EZH2: variants seen among roughly 807,000 people sequenced by gnomAD.
The protein encoded by EZH2 is enhancer of zeste 2 polycomb repressive complex 2 subunit.
EZH2 carries 18 observed loss-of-function variants against 98.4 expected under a neutral mutation model. The ratio of observed to expected loss-of-function variants is 0.18; its 90% CI spans 0.13 to 0.27. The LOEUF is 0.27. EZH2 is among the 10% of genes least tolerant of loss of function. The probability of loss-of-function intolerance (pLI) is 1.00; values close to 1 mark genes in which losing one functional copy is unlikely to be tolerated. For synonymous variants in EZH2, 338 were observed against 312.3 expected, an observed-to-expected ratio of 1.08 and a Z score of -0.87; for missense variants, 470 against 935.1, an observed-to-expected ratio of 0.50 and a Z score of 6.49.
chr7:148,873,909 A>G (rs1268599497), intron 1 of EZH2, among the ~76,000 whole-genome samples: 4 of 152,228 alleles, frequency 2.6e-5, no homozygotes, highest in Non-Finnish European at 5.9e-5. Context: ...TAAGCAGGAA[A>G]GAAGCTGCTT....
At chr7:148,815,673 G>A (rs1212244201) in intron 12 of EZH2, 127 bp from the exon 13 acceptor site, 1 of 808,924 alleles carries the variant, frequency 1.2e-6, no homozygotes, top group Non-Finnish European at 2.1e-6. Context: ...GTCATGCCCT[G>A]CCCAGTTTAT....
chr7:148,858,202 G>A (rs1817127648), intron 1 of EZH2, among the ~76,000 whole-genome samples: 1 of 151,830 alleles, frequency 6.6e-6, no homozygotes, highest in African/African-American at 2.4e-5. Context: ...TGAGGCAGGA[G>A]AATGGCGTGA....
At chr7:148,875,457 G>T (rs1190008006) in intron 1 of EZH2, among the ~76,000 whole-genome samples, 2 of 152,046 alleles carry the variant, frequency 1.3e-5, no homozygotes, top group Admixed American at 1.3e-4. Context: ...GGGACAAAAG[G>T]CTTGAACCAA....
intron 1 of EZH2, among the ~76,000 whole-genome samples, chr7:148,878,759 C>G (rs947009007): frequency 6.6e-6 from 1 of 151,780 alleles, no homozygotes; most frequent in African/African-American, 2.4e-5. Flanking sequence ...ATTAGCCAGG[C>G]GTGGTGGCAT....
chr7:148,872,926 T>G (rs1585297503), intron 1 of EZH2, among the ~76,000 whole-genome samples: 1 of 152,186 alleles, frequency 6.6e-6, no homozygotes. Context: ...TAAAGATCAC[T>G]GGGATCTGAT....
At chr7:148,838,418 T>C (rs2129482257) in intron 3 of EZH2, among the ~76,000 whole-genome samples, 1 of 152,226 alleles carries the variant, frequency 6.6e-6, no homozygotes, top group South Asian at 2.1e-4. Flanking sequence ...AGGTAAATCA[T>C]TCCCTCATCT....
intron 1 of EZH2, among the ~76,000 whole-genome samples, chr7:148,863,436 T>C (rs1473390567): frequency 6.6e-6 from 1 of 152,072 alleles, no homozygotes; most frequent in African/African-American, 2.4e-5. Context: ...GAGACTAATA[T>C]CTACTAAAAT....
intron 16 of EZH2, among the ~76,000 whole-genome samples, chr7:148,811,192 A>C (rs1210148356): frequency 1.3e-5 from 2 of 152,142 alleles, no homozygotes; most frequent in Non-Finnish European, 2.9e-5. Context: ...CCCAGGCCGG[A>C]GTGCAGTGGC....
chr7:148,854,595 C>T (rs1157548068), intron 1 of EZH2, among the ~76,000 whole-genome samples: 5 of 152,226 alleles, frequency 3.3e-5, no homozygotes, highest in Non-Finnish European at 7.3e-5. Context: ...ATAGCAGCAA[C>T]TTTGACTCTT....
At position 148,866,871 on chromosome 7, in the gene EZH2, C is replaced by T. The variant is rs117832071; in HGVS notation, c.-8+17293G>A. 2.3e-3 allele frequency among the ~76,000 whole-genome samples: 340 copies of T among 149,614 alleles called. 1 individual carries two copies. Among genetic ancestry groups the T allele is most frequent in the East Asian group, 7.8e-3 (39 of 5,018 alleles). On this transcript the variant is annotated intron_variant, in intron 1 of 19. Coordinates refer to ENST00000320356, the MANE Select transcript of EZH2 (RefSeq NM_004456.5). ...CTGAGACTACAGGTGCACATCAACG[C>T]ACCCGGCTAATTTTTATTTTTTGGT... is the stretch of plus-strand genomic sequence containing the variant.
chr7:148,853,540 C>T (rs1816249926), intron 1 of EZH2, among the ~76,000 whole-genome samples: 1 of 152,228 alleles, frequency 6.6e-6, no homozygotes, highest in South Asian at 2.1e-4. Flanking sequence ...GCGGAGCTCA[C>T]CTCCTGCTGT....
chr7:148,846,776 A>C (rs570896945), intron 2 of EZH2, among the ~76,000 whole-genome samples, 178 bp from the exon 3 acceptor site: 2 of 151,840 alleles, frequency 1.3e-5, no homozygotes, highest in African/African-American at 4.8e-5. Context: ...AAAACACCAC[A>C]TCTGTTATTT....
intron 7 of EZH2, 24 bp downstream of exon 7, chr7:148,827,140 T>A (rs1471738305): frequency 6.3e-7 from 1 of 1,582,328 alleles, no homozygotes. Flanking sequence ...AGGGCAAGAT[T>A]GCCTCAAAGG....
intron 11 of EZH2, 123 bp from the exon 12 acceptor site, chr7:148,816,901 T>C: frequency 1.4e-6 from 1 of 719,854 alleles, no homozygotes. Flanking sequence ...GCTGGGGATA[T>C]AACACACATC....
At position 148,826,510 on chromosome 7, in the gene EZH2, A is replaced by G; in HGVS notation, c.851T>C (p.Leu284Pro). The G allele has an allele frequency of 6.2e-7, 1 of 1,603,446 alleles. No homozygotes were observed. The highest frequency in any genetic ancestry group is 8.5e-7 in the Non-Finnish European group (1 of 1,173,480). Residue 284 changes from leucine (L) to proline (P), a missense_variant, in exon 8 of 20, where the codon CTT (leucine) becomes CCT (proline). Around this residue, in one of 6 missense-constraint regions of EZH2, gnomAD observed 192 missense variants for 306.8 expected, o/e 0.63. Transcript: ENST00000320356. ...REQSLHSFHT[L>P]FCRRCFKYDC... ...ATATTTAAAACATCGCCTACAGAAAAGCGTATGAAAGGAGTGTAAGCTTTG... is the reference window on the plus strand; with the variant it reads ...ATATTTAAAACATCGCCTACAGAAAGGCGTATGAAAGGAGTGTAAGCTTTG...
At chr7:148,809,997 A>G (rs925729027) in intron 17 of EZH2, among the ~76,000 whole-genome samples, 1 of 152,234 alleles carries the variant, frequency 6.6e-6, no homozygotes, top group Non-Finnish European at 1.5e-5. Flanking sequence ...TTCCCCGCTC[A>G]GAGGCACTGA....
chr7:148,861,639 C>T (rs1392757723), intron 1 of EZH2, among the ~76,000 whole-genome samples: 2 of 151,962 alleles, frequency 1.3e-5, no homozygotes, highest in Non-Finnish European at 2.9e-5. Context: ...ATATAAATAA[C>T]ACATTTTTAA....
At chr7:148,828,620 ATG>A (rs1808432151) in intron 6 of EZH2, 118 bp downstream of exon 6, 1 of 1,261,024 alleles carries the variant, frequency 7.9e-7, no homozygotes, top group African/African-American at 1.5e-5. Context: ...ACTGCTATCA[ATG>A]TGATATTTAA....
intron 1 of EZH2, among the ~76,000 whole-genome samples, chr7:148,863,262 A>G (rs1011607636): frequency 1.3e-5 from 2 of 152,146 alleles, no homozygotes; most frequent in African/African-American, 2.4e-5. Flanking sequence ...TTCAAATTAT[A>G]TATTTCTAAA....
Sources: gnomAD v4.1 joint callset for allele counts (sites outside exome capture counted in the v4.1 genomes callset) on GRCh38, gnomAD v4.1.1 for gene constraint, gnomAD v4.1.1 regional missense constraint, MANE v1.5 for transcripts, NCBI Gene and HGNC (gene_info 2026-07-23, HGNC 2026-07-21) for gene names.